ASPRV1: variants seen among roughly 807,000 people sequenced by gnomAD.
The protein encoded by ASPRV1 is aspartic peptidase retroviral like 1.
ASPRV1 carries 7 observed loss-of-function variants against 11.0 expected under a neutral mutation model. The observed-to-expected ratio is 0.64, with a 90% CI of 0.36 to 1.20. The LOEUF (loss-of-function observed/expected upper bound fraction) is 1.20. Among genes scored for constraint, ASPRV1 ranks in the 50% most tolerant of loss-of-function variants. The pLI is 0.02. For synonymous variants in ASPRV1, 136 were observed against 138.4 expected (o/e 0.98, Z 0.12); for missense variants, 299 against 320.0 (o/e 0.93, Z 0.50).
the ASPRV1 span, among the ~76,000 whole-genome samples, chr2:69,994,989 G>C: frequency 2.8e-5 from 4 of 144,660 alleles, no homozygotes; most frequent in African/African-American, 5.1e-5. Context: ...GTGACAGAGC[G>C]AGACTCCGTC....
the ASPRV1 span, among the ~76,000 whole-genome samples, chr2:70,071,352 C>A: frequency 2.6e-5 from 4 of 152,290 alleles, no homozygotes; most frequent in East Asian, 7.7e-4. Flanking sequence ...GGATAAACTG[C>A]AAATATGTCT....
chr2:70,081,310 C>G, the ASPRV1 span: 1 of 152,008 alleles, frequency 6.6e-6, no homozygotes, highest in Non-Finnish European at 1.5e-5. Context: ...CTGGCTAACA[C>G]AGTGAAACCC....
At chr2:70,078,328 G>A in the ASPRV1 span, among the ~76,000 whole-genome samples, 1 of 152,130 alleles carries the variant, frequency 6.6e-6, no homozygotes, top group Non-Finnish European at 1.5e-5. Flanking sequence ...AGAACACAAT[G>A]CCTGGCACAA....
At chr2:70,017,776 TTATA>T in the ASPRV1 span, among the ~76,000 whole-genome samples, 2 of 152,152 alleles carry the variant, frequency 1.3e-5, no homozygotes, top group South Asian at 4.1e-4. Flanking sequence ...TCAGTAGTGT[TTATA>T]TACAATAACA....
At chr2:69,963,098 C>A, upstream of ASPRV1, 1 of 370,206 alleles carries the variant, frequency 2.7e-6, no homozygotes, top group Non-Finnish European at 5.4e-6. Flanking sequence ...GACAGTCCTG[C>A]CTCTGGATGG....
At chr2:70,004,956 T>C in the ASPRV1 span, among the ~76,000 whole-genome samples, 1 of 152,190 alleles carries the variant, frequency 6.6e-6, no homozygotes, top group African/African-American at 2.4e-5. Context: ...TCACGGTATG[T>C]GCTCAGCAAA....
At chr2:69,993,554 C>T in the ASPRV1 span, 3 of 152,224 alleles carry the variant, frequency 2.0e-5, no homozygotes, top group African/African-American at 7.2e-5. Context: ...GCACGGCTGG[C>T]CCAAGTCAGA....
the ASPRV1 span, among the ~76,000 whole-genome samples, chr2:70,010,767 G>A: frequency 9.4e-3 from 1,431 of 152,250 alleles, 14 homozygotes; most frequent in Non-Finnish European, 0.01. Flanking sequence ...TCAGCCCTCA[G>A]TCAAAACTTC....
At chr2:69,937,783 T>G in the ASPRV1 span, among the ~76,000 whole-genome samples, 1 of 152,006 alleles carries the variant, frequency 6.6e-6, no homozygotes, top group African/African-American at 2.4e-5. Flanking sequence ...CCTGGCAAAT[T>G]TTCCTATTTT....
In ASPRV1 at chr2:69,961,006, ACCT is replaced by A. The variant is rs769863291; in HGVS notation, c.428_430del (p.Glu143del). On this transcript the variant is annotated inframe_deletion, in exon 1 of 1. Coordinates refer to ENST00000320256, the MANE Select transcript of ASPRV1 (RefSeq NM_152792.4). ...CAGGGTGTCCAGATCGCCATCAGTGACCTCCTCCCACAAGTTTGGGTGGACCAC... is the reference window on the plus strand; with the variant it reads ...CAGGGTGTCCAGATCGCCATCAGTGACCTCCCACAAGTTTGGGTGGACCAC... The A allele has an allele frequency of 1.2e-5, 20 of 1,613,638 alleles. No homozygotes were observed. The highest frequency in any genetic ancestry group is 1.5e-5 in the Non-Finnish European group (18 of 1,179,916).
the ASPRV1 span, chr2:69,988,492 G>A: frequency 1.4e-3 from 435 of 307,228 alleles, 1 homozygote; most frequent in Non-Finnish European, 1.7e-3. Context: ...AAAGTACAGC[G>A]GTGGTTGCAG....
chr2:70,050,867 C>A, the ASPRV1 span: 1 of 151,552 alleles, frequency 6.6e-6, no homozygotes, highest in Non-Finnish European at 1.5e-5. Context: ...CTCTTGAGCC[C>A]AAGAGTTCAA....
chr2:70,068,987 A>T, the ASPRV1 span: 1 of 151,248 alleles, frequency 6.6e-6, no homozygotes, highest in Non-Finnish European at 1.5e-5. Flanking sequence ...CTTCGTCAGT[A>T]AACCAAAGGC....
chr2:70,071,264 A>G, the ASPRV1 span, among the ~76,000 whole-genome samples: 34,386 of 152,162 alleles, frequency 0.23, 6,950 homozygotes, highest in African/African-American at 0.51. Context: ...GATTTGTCAG[A>G]CTGCATTTAC....
the ASPRV1 span, among the ~76,000 whole-genome samples, chr2:70,021,350 G>A: frequency 3.5e-5 from 5 of 141,052 alleles, no homozygotes; most frequent in Non-Finnish European, 6.1e-5. Context: ...ACAGAGTCTC[G>A]CTCTGTCACC....
downstream of ASPRV1, among the ~76,000 whole-genome samples, chr2:69,956,486 A>AGAAGAAGAAGAAGAAGAAGAAAAGAG (rs1558579541): frequency 6.6e-6 from 1 of 150,984 alleles, no homozygotes; most frequent in African/African-American, 2.5e-5. Context: ...GAAAAGAGGA[A>AGAAGAAGAAGAAGAAGAAGAAAAGAG]GAAGAAGAAG....
chr2:70,072,105 C>T, the ASPRV1 span, among the ~76,000 whole-genome samples: 1 of 152,022 alleles, frequency 6.6e-6, no homozygotes, highest in African/African-American at 2.4e-5. Flanking sequence ...ATGTGAACCA[C>T]CATGCCCAGC....
the ASPRV1 span, among the ~76,000 whole-genome samples, chr2:69,948,926 C>T: frequency 6.6e-6 from 1 of 152,106 alleles, no homozygotes; most frequent in African/African-American, 2.4e-5. Context: ...CCTGGGGGCC[C>T]CCACTTGGGG....
chr2:70,001,025 A>G, the ASPRV1 span, among the ~76,000 whole-genome samples: 1 of 152,066 alleles, frequency 6.6e-6, no homozygotes, highest in Non-Finnish European at 1.5e-5. Context: ...GTTGGGAAGG[A>G]CATAGTGAAG....
Sources: allele counts gnomAD v4.1 joint callset (sites outside exome capture counted in the v4.1 genomes callset), GRCh38; gene constraint gnomAD v4.1.1; transcripts MANE v1.5; gene names NCBI Gene and HGNC (gene_info 2026-07-23, HGNC 2026-07-21).